The following COL4A1 variants were observed in gnomAD, a reference collection of about 807,000 sequenced individuals.
COL4A1 encodes the protein collagen alpha-1(IV) chain.
A neutral mutation model predicts 216.6 loss-of-function variants in COL4A1; 40 were observed. That is an observed-to-expected ratio of 0.18 (90% CI 0.14 to 0.24). The LOEUF (loss-of-function observed/expected upper bound fraction) is 0.24, where lower values mean the gene tolerates loss of function less well. Ranked by LOEUF, COL4A1 falls within the 10% of genes least tolerant of loss-of-function variation. COL4A1 has a pLI of 1.00. For missense variants in COL4A1, 1,628 were observed against 2,196.8 expected (o/e 0.74, Z 5.18); for synonymous variants, 839 against 810.7 (o/e 1.03, Z -0.59).
chr13:110,237,741 C>T (rs1339973557), intron 2 of COL4A1, among the ~76,000 whole-genome samples: 1 of 152,252 alleles, frequency 6.6e-6, no homozygotes, highest in Non-Finnish European at 1.5e-5. Context: ...GTAAAAGCAG[C>T]AGCTATAGCC....
intron 2 of COL4A1, among the ~76,000 whole-genome samples, chr13:110,228,817 G>A (rs895983793): frequency 6.6e-6 from 1 of 152,188 alleles, no homozygotes; most frequent in Non-Finnish European, 1.5e-5. Flanking sequence ...TCAAGTACTA[G>A]CGTCCACTTC....
In COL4A1 at chr13:110,152,354, T is replaced by C. The variant is rs1445711765; in HGVS notation, c.4908A>G (p.Ile1636Met). The C allele has an allele frequency of 6.2e-7, 1 of 1,614,152 alleles. No individual in the cohort carries two copies. Among genetic ancestry groups the C allele is most frequent in the Non-Finnish European group, 8.5e-7 (1 of 1,180,026 alleles). Reference sequence around the variant, plus strand: ...CTTACTTGAACATCTCGCTCCTCTCTATGGTGGCGAGCCAAAAGCTGTAAG... The same window carrying C: ...CTTACTTGAACATCTCGCTCCTCTCCATGGTGGCGAGCCAAAAGCTGTAAG... ...ANAYSFWLAT[I>M]ERSEMFKKPT... The change falls in exon 51 of 52, where the codon ATA becomes ATG. Residue 1636 changes from isoleucine to methionine, a missense_variant. Coordinates refer to ENST00000375820, the MANE Select transcript of COL4A1 (RefSeq NM_001845.6).
Position 110,183,188 on chromosome 13 carries a change from G to C in COL4A1, c.1986C>G (p.Pro662=). 4 of 1,613,852 alleles carry C rather than the reference G, an allele frequency of 2.5e-6. No homozygotes were observed. Among genetic ancestry groups the C allele is most frequent in the Non-Finnish European group, 3.4e-6 (4 of 1,179,974 alleles). The change falls in exon 27 of 52, where the codon CCC becomes CCG. Residue 662 remains proline, a synonymous_variant. Transcript: ENST00000375820. Reference sequence around the variant, plus strand: ...GAGCTGGAATTCCAATCGTACCTTGGGGACCTGGGAAGCCTGGGGACCCCG... The same window carrying C: ...GAGCTGGAATTCCAATCGTACCTTGCGGACCTGGGAAGCCTGGGGACCCCG... The part of the protein sequence containing the change: ...GLPGSPGFPG[P]QGDRGFPGTP...
At chr13:110,252,318 C>T (rs1185486528) in intron 1 of COL4A1, among the ~76,000 whole-genome samples, 1 of 151,638 alleles carries the variant, frequency 6.6e-6, no homozygotes, top group Admixed American at 6.6e-5. Flanking sequence ...GCCACCACTC[C>T]CAGCCAAATA....
intron 47 of COL4A1, among the ~76,000 whole-genome samples, chr13:110,163,149 T>C (rs1877163991): frequency 6.6e-6 from 1 of 152,252 alleles, no homozygotes; most frequent in Non-Finnish European, 1.5e-5. Flanking sequence ...ACTTCCCTTG[T>C]CCTTTGCTGA....
In COL4A1 at chr13:110,306,450, C is replaced by T. The variant is rs577456295; in HGVS notation, c.84+494G>A. Among the ~76,000 whole-genome samples, 210 of 152,262 alleles carry T rather than the reference C, an allele frequency of 1.4e-3. 1 individual carries two copies. Among genetic ancestry groups the T allele is most frequent in the Non-Finnish European group, 2.7e-3 (182 of 68,014 alleles). The stretch of plus-strand genomic sequence containing the variant: ...AGGCAAAGGGCCCAGAGCTTTTCAG[C>T]CTCAGCCACCAGGGTCTCCAGACAA... On this transcript the variant is annotated intron_variant, in intron 1 of 51. Transcript: ENST00000375820.
chr13:110,171,465 C>G (rs1454705482), intron 41 of COL4A1, among the ~76,000 whole-genome samples: 1 of 151,998 alleles, frequency 6.6e-6, no homozygotes, highest in Non-Finnish European at 1.5e-5. Flanking sequence ...TATGACCTGT[C>G]AGTGAAACTT....
chr13:110,162,158 G>A (rs1877114864), intron 48 of COL4A1, 72 bp downstream of exon 48: 2 of 1,357,404 alleles, frequency 1.5e-6, no homozygotes, highest in South Asian at 1.2e-5. Context: ...GCAGAGGCGA[G>A]TCCAGCACTG....
At chr13:110,259,511 C>T (rs1045336880) in intron 1 of COL4A1, among the ~76,000 whole-genome samples, 4 of 152,176 alleles carry the variant, frequency 2.6e-5, no homozygotes, top group African/African-American at 9.7e-5. Flanking sequence ...TCCATCTTTC[C>T]TCTTCTGTTG....
At chr13:110,234,762 T>C (rs755165663) in intron 2 of COL4A1, among the ~76,000 whole-genome samples, 1 of 152,178 alleles carries the variant, frequency 6.6e-6, no homozygotes, top group African/African-American at 2.4e-5. Flanking sequence ...CCTGTGTCCT[T>C]GGAACCTCTT....
At position 110,213,806 on chromosome 13, in the gene COL4A1, T is replaced by C. The variant is rs1189331268; in HGVS notation, c.255A>G (p.Gly85=). 8 of 1,614,024 alleles carry C rather than the reference T, an allele frequency of 5.0e-6. No homozygotes were observed. In the South Asian group the frequency reaches 7.7e-5, roughly 16 times the overall value. ...PGQKGDTGEP[G]LPGTKGTRGP... ...CTCTTGTCCCTTTTGTTCCAGGTAGTCCTGGTTCTCCAGTATCACCCTGGA... is the reference window on the plus strand; with the variant it reads ...CTCTTGTCCCTTTTGTTCCAGGTAGCCCTGGTTCTCCAGTATCACCCTGGA... The change falls in exon 4 of 52, where the codon GGA becomes GGG. Residue 85 remains glycine (G), a synonymous_variant. Transcript: ENST00000375820.
chr13:110,194,124 TTAAA>T (rs1347300831), intron 22 of COL4A1, among the ~76,000 whole-genome samples: 1 of 152,186 alleles, frequency 6.6e-6, no homozygotes, highest in African/African-American at 2.4e-5. Flanking sequence ...GACAGACTCA[TTAAA>T]ACCCAAACTG....
intron 28 of COL4A1, among the ~76,000 whole-genome samples, chr13:110,182,670 G>C (rs747233572): frequency 6.6e-6 from 1 of 152,198 alleles, no homozygotes; most frequent in Non-Finnish European, 1.5e-5. Context: ...ACCCACCCTG[G>C]CTGTGTTCAG....
chr13:110,228,176 T>C (rs1880833805), intron 2 of COL4A1, among the ~76,000 whole-genome samples: 1 of 146,596 alleles, frequency 6.8e-6, no homozygotes, highest in Non-Finnish European at 1.5e-5. Flanking sequence ...ACCCACATGC[T>C]TCCAGAGCTG....
chr13:110,257,753 A>T (rs1251622878), intron 1 of COL4A1, among the ~76,000 whole-genome samples: 1 of 152,240 alleles, frequency 6.6e-6, no homozygotes, highest in East Asian at 1.9e-4. Context: ...ATACATAAAT[A>T]GAGTTTACCA....
chr13:110,230,643 G>A (rs1332679686), intron 2 of COL4A1, among the ~76,000 whole-genome samples: 1 of 152,140 alleles, frequency 6.6e-6, no homozygotes, highest in African/African-American at 2.4e-5. Context: ...CCCTGCCCAG[G>A]TCCCTATCAA....
rs956388056 is a variant in COL4A1 at position 110,306,997 on chromosome 13, G to C, written c.31C>G (p.Leu11Val). Residue 11 changes from leucine to valine, a missense_variant, in exon 1 of 52, where the codon CTG (leucine) becomes GTG (valine). Physicochemically the swap from Leu to Val is conservative, Grantham distance 32. Coordinates refer to ENST00000375820, the MANE Select transcript of COL4A1 (RefSeq NM_001845.6). MGPRLSVWLL[L>V]LPAALLLHEE... ...TGGAGCAGAAGGGCGGCGGGCAGCA[G>C]CAGCAGCCAGACGCTGAGCCGGGGC... The C allele has an allele frequency of 2.0e-6, 3 of 1,477,672 alleles. No homozygotes were observed. In the South Asian group the frequency reaches 3.8e-5, roughly 19 times the overall value. The allele number at this position is 1,477,672 out of a possible 1,614,324, so 91.5% of individuals were successfully genotyped here. A position where few individuals can be genotyped will look rare whatever the true frequency, so the allele number is the denominator to read the frequency against.
rs137878242 is a variant in COL4A1, at chr13:110,193,902, G to A, written c.1382-989C>T. On this transcript the variant is annotated intron_variant, in intron 22 of 51. Coordinates refer to ENST00000375820, the MANE Select transcript of COL4A1 (RefSeq NM_001845.6). ...GGGGCATTCGTGGGTGTGTCTGTTC[G>A]CAAGGCTTCAGGTGGGTGGGGAGAC... 5.7e-3 allele frequency among the ~76,000 whole-genome samples: 863 copies of A among 152,302 alleles called. 8 individuals carry two copies. The highest frequency in any genetic ancestry group is 0.019 in the African/African-American group (791 of 41,560).
chr13:110,184,575 C>T (rs915642558), intron 26 of COL4A1, among the ~76,000 whole-genome samples: 1 of 152,140 alleles, frequency 6.6e-6, no homozygotes, highest in Admixed American at 6.5e-5. Flanking sequence ...ACTGATTATA[C>T]CAACAGGGAG....
Sources: gnomAD v4.1 joint callset for allele counts (sites outside exome capture counted in the v4.1 genomes callset) on GRCh38, gnomAD v4.1.1 for gene constraint, MANE v1.5 for transcripts, NCBI Gene and HGNC (gene_info 2026-07-23, HGNC 2026-07-21) for gene names.